Variants in TNPO3 observed in about 807,000 individuals in gnomAD.
The protein encoded by TNPO3 is transportin-3.
Under a neutral mutation model 122.8 loss-of-function variants are expected in TNPO3, and 65 were observed. The ratio of observed to expected loss-of-function variants is 0.53; its 90% CI spans 0.43 to 0.65. The LOEUF (loss-of-function observed/expected upper bound fraction) is 0.65, where lower values mean the gene tolerates loss of function less well. Ranked by LOEUF, TNPO3 falls within the 30% of genes least tolerant of loss-of-function variation. TNPO3 has a pLI of 0.00. For synonymous variants in TNPO3, 372 were observed against 411.2 expected, an observed-to-expected ratio of 0.90 and a Z score of 1.15; for missense variants, 850 against 1,136.7, an observed-to-expected ratio of 0.75 and a Z score of 3.63.
rs1431147744 is a variant in TNPO3 at position 129,054,783 on chromosome 7, A to G, written c.-13T>C. ...TTGCTCCTTCCATGGTGGTGGCGGT[A>G]GTGGCGGTAGCGACGGCTCTGATTC... On this transcript the variant is annotated 5_prime_UTR_variant, in exon 1 of 23. Transcript: ENST00000265388. The G allele has an allele frequency of 1.2e-6, 2 of 1,614,014 alleles. No homozygotes were observed. The highest frequency in any genetic ancestry group is 1.7e-5 in the Admixed American group (1 of 60,014).
chr7:128,975,714 G>T, intron 17 of TNPO3, 105 bp downstream of exon 17: 2 of 739,802 alleles, frequency 2.7e-6, no homozygotes, highest in Non-Finnish European at 2.3e-6. Flanking sequence ...ATGCCTGGGG[G>T]AAAACATAAA....
rs1796748892 is a variant in TNPO3 at position 128,954,748 on chromosome 7, G to A, written c.*669C>T. The A allele has an allele frequency of 6.5e-6, 1 of 153,724 alleles. No homozygotes were observed. The highest frequency in any genetic ancestry group is 1.4e-5 in the Non-Finnish European group (1 of 69,052). The allele number at this position is 153,724 out of a possible 1,614,324, so 9.5% of individuals were successfully genotyped here. ...TCCTCCTTGTCTAAACAACTCTAAAGGTGGGAAGAAACAGCTGGGGAAGGT... is the reference window on the plus strand; with the variant it reads ...TCCTCCTTGTCTAAACAACTCTAAAAGTGGGAAGAAACAGCTGGGGAAGGT... On this transcript the variant is annotated 3_prime_UTR_variant, in exon 23 of 23. Coordinates refer to ENST00000265388, the MANE Select transcript of TNPO3 (RefSeq NM_012470.4).
In TNPO3 at chr7:128,993,687, T is replaced by A. The variant is rs181662321; in HGVS notation, c.1266+120A>T. ...AGGCAGTGTGCTAGGCACTTGCATA[T>A]CTATTATCTCATTCAGCCACTAAAA... On this transcript the variant is annotated intron_variant, in intron 9 of 22. Transcript: ENST00000265388. 6.0e-5 allele frequency: 48 copies of A among 803,010 alleles called. 1 individual carries two copies. In the East Asian group the frequency reaches 1.2e-3, roughly 20 times the overall value. The allele number at this position is 803,010 out of a possible 1,614,324, so 49.7% of individuals were successfully genotyped here. A position where few individuals can be genotyped will look rare whatever the true frequency, so the allele number is the denominator to read the frequency against.
At chr7:128,963,450 A>G (rs1797658419) in intron 21 of TNPO3, among the ~76,000 whole-genome samples, 1 of 152,218 alleles carries the variant, frequency 6.6e-6, no homozygotes, top group African/African-American at 2.4e-5. Flanking sequence ...ACAGAATACT[A>G]CTTCTACTGA....
upstream of TNPO3, chr7:129,055,200 T>G: frequency 6.2e-6 from 1 of 160,966 alleles, no homozygotes; most frequent in South Asian, 1.5e-4. Flanking sequence ...CGCCTCCTCT[T>G]GTCTCCCCGC....
intron 21 of TNPO3, among the ~76,000 whole-genome samples, chr7:128,961,013 G>A (rs1041286435): frequency 2.0e-5 from 3 of 151,950 alleles, no homozygotes; most frequent in Admixed American, 6.6e-5. Context: ...TGCCTGCCTC[G>A]GCCTCCCAAA....
Position 128,996,023 on chromosome 7 carries a change from G to A in TNPO3, c.1158+1366C>T, listed in dbSNP as rs117126306. ...TGGATTCTTCACTTTAAAAAATAGC[G>A]GGGGTGGGTGCAGTTTGAAAACCAC... On this transcript the variant is annotated intron_variant, in intron 8 of 22. Transcript: ENST00000265388. Among the ~76,000 whole-genome samples, 147 of 152,272 alleles carry A rather than the reference G, an allele frequency of 9.7e-4. 2 individuals carry two copies. In the East Asian group the frequency reaches 0.025, roughly 26 times the overall value.
chr7:129,054,164 GAGA>G (rs1197360367), intron 1 of TNPO3, among the ~76,000 whole-genome samples: 2 of 152,148 alleles, frequency 1.3e-5, no homozygotes, highest in Admixed American at 6.5e-5. Context: ...GAGAAGTTTC[GAGA>G]AGAACAGACT....
rs924046629 is a variant in TNPO3, at chr7:128,955,102, T to C, written c.*315A>G. On this transcript the variant is annotated 3_prime_UTR_variant, in exon 23 of 23. Transcript: ENST00000265388. ...TTTAGTCTTCCTTTTTTTTCTTTTT[T>C]CTTTACTTAAAATTATTTTTCCTTT... The C allele has an allele frequency of 3.1e-6, 1 of 326,624 alleles. No individual in the cohort carries two copies. The highest frequency in any genetic ancestry group is 4.7e-5 in the Admixed American group (1 of 21,158). 20.2% of individuals were successfully genotyped at this position (326,624 alleles called of 1,614,324 possible).
Position 128,979,128 on chromosome 7 carries a change from G to C in TNPO3, c.1921-5C>G, listed in dbSNP as rs765657428. On this transcript the variant is annotated splice_region_variant and splice_polypyrimidine_tract_variant and intron_variant, in intron 15 of 22. Coordinates refer to ENST00000265388, the MANE Select transcript of TNPO3 (RefSeq NM_012470.4). ...CTCGGATAAAACTGGCCATATCTGGGTCAAAAGTAAAAGAGCACAAGAAAG... is the reference window on the plus strand; with the variant it reads ...CTCGGATAAAACTGGCCATATCTGGCTCAAAAGTAAAAGAGCACAAGAAAG... The C allele has an allele frequency of 6.2e-7, 1 of 1,613,624 alleles. No homozygotes were observed. The highest frequency in any genetic ancestry group is 1.3e-5 in the African/African-American group (1 of 74,900).
At chr7:129,019,398 T>C (rs887449199) in intron 1 of TNPO3, among the ~76,000 whole-genome samples, 4 of 152,202 alleles carry the variant, frequency 2.6e-5, no homozygotes, top group African/African-American at 9.7e-5. Flanking sequence ...TCTTCACAAG[T>C]AATACATAAT....
chr7:129,001,255 G>A, intron 5 of TNPO3, 21 bp from the exon 6 acceptor site: 1 of 1,587,004 alleles, frequency 6.3e-7, no homozygotes, highest in Non-Finnish European at 8.6e-7. Context: ...AGCAGGAATA[G>A]GGAAGCAAGA....
intron 8 of TNPO3, among the ~76,000 whole-genome samples, chr7:128,995,949 T>A (rs1051271300): frequency 2.6e-5 from 4 of 152,208 alleles, no homozygotes; most frequent in Non-Finnish European, 5.9e-5. Flanking sequence ...TCCACCCGCC[T>A]CGGCCTCCCA....
intron 1 of TNPO3, among the ~76,000 whole-genome samples, chr7:129,046,373 GCA>G (rs1396359547): frequency 2.0e-5 from 3 of 152,036 alleles, no homozygotes; most frequent in Admixed American, 1.3e-4. Context: ...TCAGTGCAAG[GCA>G]CAGAGTATTC....
chr7:128,977,262 G>T (rs1157984483), intron 16 of TNPO3, among the ~76,000 whole-genome samples: 1 of 152,162 alleles, frequency 6.6e-6, no homozygotes, highest in African/African-American at 2.4e-5. Context: ...TTAAAAAACA[G>T]TATCAAAGTC....
chr7:128,973,978 A>C (rs1401943220), intron 18 of TNPO3, among the ~76,000 whole-genome samples: 1 of 151,898 alleles, frequency 6.6e-6, no homozygotes, highest in Admixed American at 6.6e-5. Context: ...GTTTGAGACC[A>C]GCCTGATCAA....
intron 8 of TNPO3, among the ~76,000 whole-genome samples, chr7:128,996,053 C>G (rs971189736): frequency 6.6e-6 from 1 of 152,140 alleles, no homozygotes; most frequent in Non-Finnish European, 1.5e-5. Context: ...AACCACCAGA[C>G]TAAATCATGA....
chr7:129,034,258 C>T (rs575033969), intron 1 of TNPO3, among the ~76,000 whole-genome samples: 2 of 152,370 alleles, frequency 1.3e-5, no homozygotes, highest in South Asian at 2.1e-4. Context: ...CAGGGGCTCA[C>T]GCCTGTAATC....
chr7:128,971,540 T>C (rs960106774), intron 19 of TNPO3, among the ~76,000 whole-genome samples: 2 of 152,232 alleles, frequency 1.3e-5, no homozygotes, highest in African/African-American at 4.8e-5. Flanking sequence ...CTTCTCTCTT[T>C]TACTGCCAAA....
Sources: allele counts gnomAD v4.1 joint callset (sites outside exome capture counted in the v4.1 genomes callset), GRCh38; gene constraint gnomAD v4.1.1; transcripts MANE v1.5; gene names NCBI Gene and HGNC (gene_info 2026-07-23, HGNC 2026-07-21).